Variants in DHRSX observed in about 807,000 individuals in gnomAD.
DHRSX encodes the protein dehydrogenase/reductase X-linked.
Under a neutral mutation model 34.0 loss-of-function variants are expected in DHRSX, and 31 were observed. That is an observed-to-expected ratio of 0.91 (90% CI 0.69 to 1.23). The LOEUF (loss-of-function observed/expected upper bound fraction) is 1.23. Ranked by LOEUF, DHRSX falls within the 50% of genes most tolerant of loss-of-function variation. The pLI, the probability that DHRSX is intolerant of heterozygous loss-of-function variation, is 0.00. For missense variants in DHRSX, 414 were observed against 428.1 expected (o/e 0.97, Z 0.29); for synonymous variants, 201 against 183.8 (o/e 1.09, Z -0.76).
In DHRSX at chrX:2,485,546, G is replaced by C. The variant is rs899543603; in HGVS notation, c.109+15271C>G. On this transcript the variant is annotated intron_variant, in intron 1 of 6. Transcript: ENST00000334651. ...AAGAGGAAGGGAGGGAGGGAGAAAAGGGAGGGAGGGACAGAGGGAGGGAGG... is the reference window on the plus strand; with the variant it reads ...AAGAGGAAGGGAGGGAGGGAGAAAACGGAGGGAGGGACAGAGGGAGGGAGG... 1.2e-3 allele frequency among the ~76,000 whole-genome samples: 171 copies of C among 142,808 alleles called. 4 individuals carry two copies. Among genetic ancestry groups the C allele is most frequent in the Non-Finnish European group, 3.0e-4 (20 of 66,240 alleles). 93.7% of individuals were successfully genotyped at this position (142,808 alleles called of 152,430 possible).
At chrX:2,263,250 A>T (rs894727948) in intron 5 of DHRSX, among the ~76,000 whole-genome samples, 23 of 152,166 alleles carry the variant, frequency 1.5e-4, no homozygotes, top group African/African-American at 5.5e-4. Flanking sequence ...AGATGGTGTT[A>T]GGAGGTGAGG....
At chrX:2,274,194 T>A (rs1476779408) in intron 4 of DHRSX, among the ~76,000 whole-genome samples, 1 of 150,322 alleles carries the variant, frequency 6.7e-6, no homozygotes, top group Admixed American at 6.6e-5. Flanking sequence ...CCTGCCCCGA[T>A]GGCCAGCTAT....
chrX:2,409,542 T>G (rs767623133), intron 2 of DHRSX, among the ~76,000 whole-genome samples: 1 of 152,262 alleles, frequency 6.6e-6, no homozygotes, highest in South Asian at 2.1e-4. Context: ...TTTCTGTTCC[T>G]GCGTTAGTTG....
intron 5 of DHRSX, among the ~76,000 whole-genome samples, chrX:2,254,945 C>G (rs986955239): frequency 7.5e-6 from 1 of 134,180 alleles, no homozygotes; most frequent in African/African-American, 3.0e-5. Flanking sequence ...GCCTGCCCCA[C>G]GCCCCCCCCC....
At chrX:2,387,082 G>A (rs2043281095) in intron 3 of DHRSX, among the ~76,000 whole-genome samples, 1 of 152,144 alleles carries the variant, frequency 6.6e-6, no homozygotes, top group South Asian at 2.1e-4. Context: ...TGCAGACAGT[G>A]ACAGCTTCCA....
At chrX:2,242,904 G>T in intron 6 of DHRSX, 119 bp downstream of exon 6, 2 of 964,798 alleles carry the variant, frequency 2.1e-6, no homozygotes, top group Non-Finnish European at 3.1e-6. Flanking sequence ...CCACTGAGCC[G>T]TCCTGAATTC....
At chrX:2,388,663 A>G (rs1414400562) in intron 3 of DHRSX, among the ~76,000 whole-genome samples, 1 of 151,794 alleles carries the variant, frequency 6.6e-6, no homozygotes, top group African/African-American at 2.4e-5. Context: ...TCATAAGAAG[A>G]GGAGATGAGG....
rs781259053 is a variant in DHRSX, at chrX:2,398,217, T to C, written c.286+10528A>G. ...TGCATTCAATAGCAAAATATGTCAG[T>C]ATGACTCATCTCAGAAACAGCCTTG... On this transcript the variant is annotated intron_variant, in intron 3 of 6. Transcript: ENST00000334651. Among the ~76,000 whole-genome samples, 3 of 152,232 alleles carry C rather than the reference T, an allele frequency of 2.0e-5. No homozygotes were observed. In the South Asian group the frequency reaches 6.2e-4, roughly 32 times the overall value.
chrX:2,443,234 C>T (rs1208493201), intron 1 of DHRSX, among the ~76,000 whole-genome samples: 6 of 151,838 alleles, frequency 4.0e-5, no homozygotes, highest in African/African-American at 1.2e-4. Context: ...GGTCTCACTG[C>T]GTTGCCCATG....
At chrX:2,423,908 G>A (rs1205570198) in intron 2 of DHRSX, among the ~76,000 whole-genome samples, 1 of 152,150 alleles carries the variant, frequency 6.6e-6, no homozygotes, top group Non-Finnish European at 1.5e-5. Flanking sequence ...AACCGTGAGT[G>A]TCTATAGGTC....
At chrX:2,410,886 A>T (rs1276093176) in intron 2 of DHRSX, among the ~76,000 whole-genome samples, 1 of 152,226 alleles carries the variant, frequency 6.6e-6, no homozygotes, top group Non-Finnish European at 1.5e-5. Context: ...AGTTGCAGAC[A>T]TCAGAAGACT....
At chrX:2,379,621 A>G (rs866629018) in intron 3 of DHRSX, among the ~76,000 whole-genome samples, 3 of 71,370 alleles carry the variant, frequency 4.2e-5, no homozygotes, top group Admixed American at 3.7e-4. Context: ...TTTTTTTTTA[A>G]TGATGCTGCT....
intron 3 of DHRSX, among the ~76,000 whole-genome samples, chrX:2,299,593 G>T (rs1200110185): frequency 6.6e-6 from 1 of 152,134 alleles, no homozygotes; most frequent in Non-Finnish European, 1.5e-5. Context: ...GGTGGCTCAT[G>T]CCTATAACCC....
chrX:2,466,264 C>A (rs2044494819), intron 1 of DHRSX, among the ~76,000 whole-genome samples: 1 of 152,114 alleles, frequency 6.6e-6, no homozygotes, highest in South Asian at 2.1e-4. Flanking sequence ...CATGGAGAAG[C>A]CCCGTCTCTA....
intron 3 of DHRSX, among the ~76,000 whole-genome samples, chrX:2,314,588 G>A (rs920984759): frequency 2.7e-5 from 4 of 149,614 alleles, no homozygotes; most frequent in Non-Finnish European, 4.5e-5. Flanking sequence ...TCAAGGTATG[G>A]CAAGGAAATA....
chrX:2,295,867 C>T (rs963440531), intron 3 of DHRSX, among the ~76,000 whole-genome samples: 5 of 152,180 alleles, frequency 3.3e-5, no homozygotes, highest in Non-Finnish European at 7.3e-5. Context: ...AGCTGGGGCG[C>T]ATACGCACAT....
chrX:2,366,723 G>C (rs909493200), intron 3 of DHRSX, among the ~76,000 whole-genome samples: 2 of 151,746 alleles, frequency 1.3e-5, no homozygotes, highest in African/African-American at 2.4e-5. Flanking sequence ...TCAGCATCTT[G>C]AGAGGGAGAC....
chrX:2,374,534 TTC>T (rs1267425774), intron 3 of DHRSX, among the ~76,000 whole-genome samples: 12,468 of 126,290 alleles, frequency 0.099, 1,628 homozygotes, highest in Non-Finnish European at 0.16. Context: ...AGGTCGGGAG[TTC>T]GAGGCCAGCC....
At chrX:2,422,920 G>A in intron 2 of DHRSX, among the ~76,000 whole-genome samples, 1 of 152,018 alleles carries the variant, frequency 6.6e-6, no homozygotes, top group East Asian at 2.0e-4. Flanking sequence ...GAGTAGCTGG[G>A]ACTACAGGCG....
Sources: gnomAD v4.1 joint callset for allele counts (sites outside exome capture counted in the v4.1 genomes callset) on GRCh38, gnomAD v4.1.1 for gene constraint, MANE v1.5 for transcripts, NCBI Gene and HGNC (gene_info 2026-07-23, HGNC 2026-07-21) for gene names.